The following FBXL13 variants were observed in gnomAD, a reference collection of about 807,000 sequenced individuals.
FBXL13 encodes F-box and leucine rich repeat protein 13.
A neutral mutation model predicts 83.6 loss-of-function variants in FBXL13; 67 were observed. That is an observed-to-expected ratio of 0.80 (90% CI 0.66 to 0.98). The LOEUF (loss-of-function observed/expected upper bound fraction) is 0.98. Among genes scored for constraint, FBXL13 ranks in the 50% least tolerant of loss-of-function variants. FBXL13 has a pLI of 0.00. For synonymous variants in FBXL13, 272 were observed against 299.5 expected (o/e 0.91, Z 0.95); for missense variants, 822 against 866.5 (o/e 0.95, Z 0.64).
upstream of FBXL13, chr7:103,074,770 T>C: frequency 1.0e-5 from 13 of 1,289,746 alleles, no homozygotes; most frequent in Non-Finnish European, 1.3e-5. Context: ...AGCGAGGCCA[T>C]GGCCCAAGGC....
intron 17 of FBXL13, among the ~76,000 whole-genome samples, chr7:102,841,850 A>T (rs1334222814): frequency 6.6e-6 from 1 of 152,162 alleles, no homozygotes; most frequent in East Asian, 1.9e-4. Flanking sequence ...TATCCTTGGC[A>T]TGGATAGCCA....
In FBXL13 at chr7:102,867,668, C is replaced by CATAT. The variant is rs200661242; in HGVS notation, c.1635+9795_1635+9798dup. Among the ~76,000 whole-genome samples the CATAT allele has an allele frequency of 4.6e-3, 334 of 72,616 alleles. 5 individuals carry two copies. Among genetic ancestry groups the CATAT allele is most frequent in the East Asian group, 0.013 (25 of 1,886 alleles). 47.6% of individuals were successfully genotyped at this position (72,616 alleles called of 152,430 possible). Reference sequence around the variant, plus strand: ...TGAGCCAGGGAGTGATAGACTTAGACATATATATATATATATATATATATA... The same window carrying CATAT: ...TGAGCCAGGGAGTGATAGACTTAGACATATATATATATATATATATATATATATA... On this transcript the variant is annotated intron_variant, in intron 16 of 19. Coordinates refer to ENST00000313221, the Ensembl canonical transcript of FBXL13.
At chr7:102,848,733 C>T (rs1156775068) in intron 17 of FBXL13, among the ~76,000 whole-genome samples, 2 of 152,022 alleles carry the variant, frequency 1.3e-5, no homozygotes, top group African/African-American at 4.8e-5. Context: ...GCGCCTCACA[C>T]CCATAATTCC....
At chr7:102,901,969 C>T (rs1241515629) in intron 11 of FBXL13, among the ~76,000 whole-genome samples, 2 of 152,144 alleles carry the variant, frequency 1.3e-5, no homozygotes, top group African/African-American at 2.4e-5. Flanking sequence ...ATTGCTGTAT[C>T]ATATGATAGC....
At chr7:102,893,055 T>C (rs561068598) in intron 11 of FBXL13, among the ~76,000 whole-genome samples, 7 of 152,366 alleles carry the variant, frequency 4.6e-5, no homozygotes, top group African/African-American at 1.7e-4. Flanking sequence ...TTTTGATACA[T>C]AATCTGGTCA....
chr7:102,937,843 G>A (rs989996374), intron 8 of FBXL13, among the ~76,000 whole-genome samples: 7 of 152,040 alleles, frequency 4.6e-5, no homozygotes, highest in African/African-American at 1.7e-4. Context: ...CCTGAGGATC[G>A]GTACAAGTAT....
At chr7:102,820,407 T>A (rs928809482) in intron 19 of FBXL13, among the ~76,000 whole-genome samples, 1 of 152,204 alleles carries the variant, frequency 6.6e-6, no homozygotes, top group Non-Finnish European at 1.5e-5. Context: ...GAGTTCTACA[T>A]TGGGGTTTTG....
At chr7:102,834,390 A>G (rs1584511361) in intron 17 of FBXL13, among the ~76,000 whole-genome samples, 1 of 147,162 alleles carries the variant, frequency 6.8e-6, no homozygotes, top group East Asian at 1.9e-4. Flanking sequence ...TTATATATAT[A>G]TATATTATAT....
intron 1 of FBXL13, among the ~76,000 whole-genome samples, chr7:103,073,388 T>TG (rs1799215211): frequency 6.6e-6 from 1 of 151,988 alleles, no homozygotes; most frequent in Admixed American, 6.6e-5. Context: ...GAGGATGAGG[T>TG]GGGAGGATCA....
chr7:103,069,558 T>C (rs1798731595), intron 1 of FBXL13, among the ~76,000 whole-genome samples: 1 of 152,058 alleles, frequency 6.6e-6, no homozygotes, highest in South Asian at 2.1e-4. Context: ...AGCTTCTCAA[T>C]CAAAAGCCCA....
At chr7:102,922,952 T>C (rs1390467881) in intron 10 of FBXL13, among the ~76,000 whole-genome samples, 1 of 152,012 alleles carries the variant, frequency 6.6e-6, no homozygotes, top group Non-Finnish European at 1.5e-5. Flanking sequence ...CACTCCAGCC[T>C]GGGCGACAGA....
At chr7:102,849,291 G>C (rs1804747476) in intron 17 of FBXL13, among the ~76,000 whole-genome samples, 1 of 152,152 alleles carries the variant, frequency 6.6e-6, no homozygotes, top group South Asian at 2.1e-4. Flanking sequence ...TCTCAGAAAA[G>C]AACTAACGTT....
chr7:102,817,530 A>G (rs897622764), intron 19 of FBXL13, among the ~76,000 whole-genome samples: 4 of 152,176 alleles, frequency 2.6e-5, no homozygotes, highest in Non-Finnish European at 4.4e-5. Flanking sequence ...TAATTTGATA[A>G]TATTTTTCTC....
intron 5 of FBXL13, among the ~76,000 whole-genome samples, chr7:103,027,108 A>T (rs1794010440): frequency 2.0e-5 from 3 of 152,252 alleles, no homozygotes; most frequent in South Asian, 4.1e-4. Context: ...AGCCTAGCCA[A>T]CATGGTGAAA....
intron 6 of FBXL13, chr7:102,973,747 C>T (rs372032574): frequency 2.6e-6 from 2 of 765,826 alleles, no homozygotes; most frequent in Admixed American, 3.4e-5. Context: ...TGTGCATGCA[C>T]ATCAGTCACT....
At chr7:103,058,992 G>T (rs1563284677) in intron 1 of FBXL13, among the ~76,000 whole-genome samples, 1 of 152,188 alleles carries the variant, frequency 6.6e-6, no homozygotes, top group Non-Finnish European at 1.5e-5. Context: ...AGGTGTGGTG[G>T]TTCATGCCTA....
intron 11 of FBXL13, among the ~76,000 whole-genome samples, chr7:102,902,279 T>A (rs1478261795): frequency 6.6e-6 from 1 of 152,188 alleles, no homozygotes; most frequent in Non-Finnish European, 1.5e-5. Flanking sequence ...TTGATAGAAC[T>A]ATTAGAATTT....
chr7:102,913,789 T>C (rs1170981586), intron 10 of FBXL13, among the ~76,000 whole-genome samples: 1 of 152,234 alleles, frequency 6.6e-6, no homozygotes, highest in Non-Finnish European at 1.5e-5. Flanking sequence ...AGTTTCATTA[T>C]TATAGTTAAA....
chr7:102,936,008 C>G (rs1820235703), intron 8 of FBXL13, among the ~76,000 whole-genome samples: 1 of 152,146 alleles, frequency 6.6e-6, no homozygotes, highest in Non-Finnish European at 1.5e-5. Flanking sequence ...CAAAGTCATG[C>G]TCAAGCCTTG....
Sources: allele counts gnomAD v4.1 joint callset (sites outside exome capture counted in the v4.1 genomes callset), GRCh38; gene constraint gnomAD v4.1.1; transcripts MANE v1.5; gene names NCBI Gene and HGNC (gene_info 2026-07-23, HGNC 2026-07-21).